Variants in TMEM182 observed in about 807,000 individuals in gnomAD.
The protein encoded by TMEM182 is transmembrane protein 182.
Under a neutral mutation model 26.8 loss-of-function variants are expected in TMEM182, and 20 were observed. The observed-to-expected ratio is 0.75, with a 90% CI of 0.53 to 1.09. The LOEUF (loss-of-function observed/expected upper bound fraction) is 1.09, where lower values mean the gene tolerates loss of function less well. TMEM182 is among the 50% of genes least tolerant of loss of function. The pLI, the probability that TMEM182 is intolerant of heterozygous loss-of-function variation, is 0.00. For missense variants in TMEM182, 277 were observed against 275.5 expected (o/e 1.01, Z -0.04); for synonymous variants, 109 against 102.2 (o/e 1.07, Z -0.40).
chr2:102,792,240 A>G (rs995330104), intron 3 of TMEM182, among the ~76,000 whole-genome samples: 1 of 152,088 alleles, frequency 6.6e-6, no homozygotes, highest in South Asian at 2.1e-4. Flanking sequence ...TGTTGACAAG[A>G]CCATTTTATT....
At chr2:102,752,993 A>C (rs553650393) in intron 1 of TMEM182, among the ~76,000 whole-genome samples, 78 of 152,358 alleles carry the variant, frequency 5.1e-4, no homozygotes, top group Non-Finnish European at 9.1e-4. Context: ...GAGGAAATTA[A>C]ATTGAAATTA....
intron 1 of TMEM182, among the ~76,000 whole-genome samples, chr2:102,739,424 C>T (rs757668484): frequency 2.6e-5 from 4 of 152,100 alleles, no homozygotes; most frequent in East Asian, 1.9e-4. Flanking sequence ...AACCTCATGT[C>T]GAATTGTAGT....
At chr2:102,760,848 C>T (rs1230309141), upstream of TMEM182, among the ~76,000 whole-genome samples, 4 of 152,178 alleles carry the variant, frequency 2.6e-5, no homozygotes, top group Middle Eastern at 3.4e-3. Flanking sequence ...CCACCCGCCT[C>T]GGCCTCCCAA....
At chr2:102,803,984 G>T (rs894080450) in intron 4 of TMEM182, among the ~76,000 whole-genome samples, 11 of 152,250 alleles carry the variant, frequency 7.2e-5, no homozygotes, top group Admixed American at 5.9e-4. Context: ...GCATGCACAC[G>T]CAGCCCTGCT....
downstream of TMEM182, among the ~76,000 whole-genome samples, chr2:102,818,314 A>G (rs112959942): frequency 1.3e-5 from 2 of 152,162 alleles, no homozygotes; most frequent in African/African-American, 2.4e-5. Context: ...GGATGACAAT[A>G]CCTTAGATAT....
chr2:102,802,117 A>G (rs1380406366), intron 4 of TMEM182, among the ~76,000 whole-genome samples: 2 of 152,214 alleles, frequency 1.3e-5, no homozygotes, highest in Non-Finnish European at 2.9e-5. Context: ...GATGCCACAA[A>G]CAGAATTGGA....
At chr2:102,794,660 A>G (rs903045221) in intron 3 of TMEM182, among the ~76,000 whole-genome samples, 1 of 152,176 alleles carries the variant, frequency 6.6e-6, no homozygotes, top group African/African-American at 2.4e-5. Flanking sequence ...AGAAAGTTAG[A>G]GCCTTGGGAT....
At chr2:102,799,695 C>A (rs559487718) in intron 4 of TMEM182, among the ~76,000 whole-genome samples, 1 of 152,176 alleles carries the variant, frequency 6.6e-6, no homozygotes. Flanking sequence ...GGGTGTGGGG[C>A]GGGACCCTCT....
chr2:102,740,980 TTCC>T (rs1679523976), intron 1 of TMEM182, among the ~76,000 whole-genome samples: 1 of 152,236 alleles, frequency 6.6e-6, no homozygotes, highest in Non-Finnish European at 1.5e-5. Flanking sequence ...TGCTCTATGA[TTCC>T]TTTCATATAA....
intron 4 of TMEM182, among the ~76,000 whole-genome samples, chr2:102,807,999 G>T (rs1682411334): frequency 6.6e-6 from 1 of 152,128 alleles, no homozygotes; most frequent in Non-Finnish European, 1.5e-5. Context: ...TTTTATGAAT[G>T]CAGGGCTAAA....
At chr2:102,760,716 G>A (rs1409328441), upstream of TMEM182, among the ~76,000 whole-genome samples, 1 of 152,070 alleles carries the variant, frequency 6.6e-6, no homozygotes, top group Admixed American at 6.5e-5. Flanking sequence ...CCGGGTTCAA[G>A]CGTTTCTTCT....
intron 3 of TMEM182, among the ~76,000 whole-genome samples, chr2:102,831,175 A>G (rs1251542718): frequency 6.6e-6 from 1 of 152,220 alleles, no homozygotes; most frequent in African/African-American, 2.4e-5. Flanking sequence ...ATAGGAGTGC[A>G]GATGTCTCTT....
At chr2:102,800,523 A>T (rs1035797267) in intron 4 of TMEM182, among the ~76,000 whole-genome samples, 1 of 152,056 alleles carries the variant, frequency 6.6e-6, no homozygotes, top group Non-Finnish European at 1.5e-5. Context: ...GGCCAAAAAA[A>T]TTTTTCTCAC....
intron 3 of TMEM182, among the ~76,000 whole-genome samples, chr2:102,784,890 C>T (rs564487451): frequency 1.7e-4 from 26 of 152,242 alleles, no homozygotes; most frequent in Admixed American, 1.0e-3. Flanking sequence ...TTACTGCAAC[C>T]TGTTTTATCA....
chr2:102,790,944 AT>A (rs1032384317), intron 3 of TMEM182, among the ~76,000 whole-genome samples: 12 of 151,446 alleles, frequency 7.9e-5, no homozygotes, highest in African/African-American at 2.4e-4. Flanking sequence ...TATTTATTGA[AT>A]TTTTTTTTGA....
intron 4 of TMEM182, among the ~76,000 whole-genome samples, chr2:102,807,796 C>G (rs908273789): frequency 6.6e-6 from 1 of 152,120 alleles, no homozygotes; most frequent in African/African-American, 2.4e-5. Context: ...AGAGAAAGCC[C>G]TCAGACACTT....
intron 3 of TMEM182, among the ~76,000 whole-genome samples, chr2:102,838,219 T>C (rs1264013050): frequency 6.6e-6 from 1 of 152,230 alleles, no homozygotes; most frequent in East Asian, 1.9e-4. Context: ...TTTTGAGGGA[T>C]AGCTATGTTG....
intron 3 of TMEM182, among the ~76,000 whole-genome samples, chr2:102,776,411 A>T (rs1259902447): frequency 6.6e-6 from 1 of 152,182 alleles, no homozygotes; most frequent in Non-Finnish European, 1.5e-5. Flanking sequence ...AGTTAAAATC[A>T]CACCAGATGT....
intron 4 of TMEM182, among the ~76,000 whole-genome samples, chr2:102,807,318 A>C (rs1467042815): frequency 6.6e-6 from 1 of 152,350 alleles, no homozygotes; most frequent in East Asian, 1.9e-4. Flanking sequence ...TAACAGCAGA[A>C]AGAATTAAGG....
Sources: gnomAD v4.1 joint callset for allele counts (sites outside exome capture counted in the v4.1 genomes callset) on GRCh38, gnomAD v4.1.1 for gene constraint, MANE v1.5 for transcripts, NCBI Gene and HGNC (gene_info 2026-07-23, HGNC 2026-07-21) for gene names.